Variants in ARHGEF25 observed in about 807,000 individuals in gnomAD.
ARHGEF25 encodes the protein Rho guanine nucleotide exchange factor 25.
Under a neutral mutation model 74.0 loss-of-function variants are expected in ARHGEF25, and 42 were observed. The ratio of observed to expected loss-of-function variants is 0.57; its 90% CI spans 0.44 to 0.73. The LOEUF (loss-of-function observed/expected upper bound fraction) is 0.73. Ranked by LOEUF, ARHGEF25 falls within the 30% of genes least tolerant of loss-of-function variation. ARHGEF25 has a pLI of 0.00. For missense variants in ARHGEF25, 645 were observed against 725.5 expected (o/e 0.89, Z 1.27); for synonymous variants, 293 against 278.6 (o/e 1.05, Z -0.51).
In ARHGEF25 at chr12:57,614,640, C is replaced by T; in HGVS notation, c.816+35C>T. On this transcript the variant is annotated intron_variant, in intron 8 of 14. Transcript: ENST00000286494. The surrounding 1 kb of genome is among the most constrained non-coding windows in gnomAD (Gnocchi z 4.6). ...TGAGATGTCTTGGTGGGAAGGAGGA[C>T]AGAACTGGGGCTTTCCAGGCTGCAT... The T allele has an allele frequency of 3.1e-6, 5 of 1,613,896 alleles. No homozygotes were observed. The highest frequency in any genetic ancestry group is 2.5e-6 in the Non-Finnish European group (3 of 1,179,892).
chr12:57,613,323 G>A lies in ARHGEF25; in HGVS notation c.372G>A (p.Leu124=), dbSNP rs1182999142. ...TGEELPELTL[L]TTLLEGPGDK... ...AGGAGCTGCCGGAACTGACCTTGCTGACCACACTGTTGGAGGGCCCTGGAG... is the reference window on the plus strand; with the variant it reads ...AGGAGCTGCCGGAACTGACCTTGCTAACCACACTGTTGGAGGGCCCTGGAG... The change falls in exon 3 of 15, where the codon CTG becomes CTA. Residue 124 remains leucine, a synonymous_variant. Transcript: ENST00000286494. The A allele has an allele frequency of 6.2e-7, 1 of 1,614,100 alleles. No homozygotes were observed. The highest frequency in any genetic ancestry group is 1.7e-5 in the Admixed American group (1 of 60,016).
chr12:57,611,918 T>A lies in ARHGEF25; in HGVS notation c.24T>A (p.Gly8=). The change falls in exon 1 of 15, where the codon GGT becomes GGA. Residue 8 remains glycine, a synonymous_variant. Transcript: ENST00000286494. This position sits in a 1 kb window ranked among gnomAD's most constrained non-coding sequence, Gnocchi z 4.5. ...CCATGCGGGGGGGGCACAAAGGGGG[T>A]CGCTGTGCCTGTCCCCGTGTGATCC... MRGGHKG[G]RCACPRVIRK... 1 of 1,254,026 alleles carries A rather than the reference T, an allele frequency of 8.0e-7. No individual in the cohort carries two copies. 77.7% of individuals were successfully genotyped at this position (1,254,026 alleles called of 1,614,324 possible). A position where few individuals can be genotyped will look rare whatever the true frequency, so the allele number is the denominator to read the frequency against.
Position 57,615,469 on chromosome 12 carries a change from T to C in ARHGEF25, c.1039-43T>C, listed in dbSNP as rs1228336179. 2.5e-6 allele frequency: 4 copies of C among 1,611,900 alleles called. No individual in the cohort carries two copies. In the South Asian group the frequency reaches 4.4e-5, roughly 18 times the overall value. On this transcript the variant is annotated intron_variant, in intron 11 of 14. Transcript: ENST00000286494. ...GAAGGGAGGAGCAGAGAATTGTCCT[T>C]TTTCTTGTTCTTTTTCCAAGGCCAC...
In ARHGEF25 at chr12:57,614,949, T is replaced by G; in HGVS notation, c.910-18T>G. 2 of 1,613,822 alleles carry G rather than the reference T, an allele frequency of 1.2e-6. No homozygotes were observed. Among genetic ancestry groups the G allele is most frequent in the Non-Finnish European group, 1.7e-6 (2 of 1,179,852 alleles). The stretch of plus-strand genomic sequence containing the variant: ...GTGTCCTCGTGACCTCCCTGAGCAT[T>G]TCTTCTCTCTGTCTTAGGATTTTCT... On this transcript the variant is annotated intron_variant, in intron 9 of 14. Transcript: ENST00000286494. The surrounding 1 kb of genome is among the most constrained non-coding windows in gnomAD (Gnocchi z 4.6).
chr12:57,610,177 C>G (rs1883974810), upstream of ARHGEF25: 1 of 1,302,632 alleles, frequency 7.7e-7, no homozygotes, highest in Non-Finnish European at 1.1e-6. Context: ...GCTTCAGTGC[C>G]CCCTCGACCC....
rs1478327902 is a variant in ARHGEF25, at chr12:57,613,096, T to C, written c.264T>C (p.Cys88=). 1 of 1,613,994 alleles carries C rather than the reference T, an allele frequency of 6.2e-7. No individual in the cohort carries two copies. Among genetic ancestry groups the C allele is most frequent in the Non-Finnish European group, 8.5e-7 (1 of 1,179,858 alleles). ...GATGGTTGGATCATTCCAAACATTG[T>C]CTCAGTGTGGAAACTGAGGCAGACA... ...LRRWLDHSKH[C]LSVETEADSG... is the part of the protein sequence containing the mutation. Residue 88 remains cysteine (C), a synonymous_variant, in exon 2 of 15, where the codon TGT becomes TGC. Coordinates refer to ENST00000286494, the MANE Select transcript of ARHGEF25 (RefSeq NM_182947.4).
upstream of ARHGEF25, chr12:57,610,541 G>A (rs1883996613): frequency 6.3e-7 from 1 of 1,578,370 alleles, no homozygotes; most frequent in Admixed American, 1.8e-5. Flanking sequence ...TAGGAGGGCA[G>A]GTTCCTTACA....
At position 57,614,310 on chromosome 12, in the gene ARHGEF25, C is replaced by T; in HGVS notation, c.657-21C>T. ...GTTGTGAAATGTATTTGACCTGCTG[C>T]TTCTCTACCAACCCCTCCAGCTATT... On this transcript the variant is annotated intron_variant, in intron 6 of 14. Coordinates refer to ENST00000286494, the MANE Select transcript of ARHGEF25 (RefSeq NM_182947.4). This position sits in a 1 kb window ranked among gnomAD's most constrained non-coding sequence, Gnocchi z 4.6. 6.2e-7 allele frequency: 1 copy of T among 1,613,940 alleles called. No homozygotes were observed. Among genetic ancestry groups the T allele is most frequent in the Admixed American group, 1.7e-5 (1 of 60,022 alleles).
upstream of ARHGEF25, among the ~76,000 whole-genome samples, chr12:57,611,256 G>A (rs1019218571): frequency 2.0e-5 from 3 of 152,228 alleles, no homozygotes; most frequent in African/African-American, 7.2e-5. This position sits in a 1 kb window ranked among gnomAD's most constrained non-coding sequence, Gnocchi z 4.5. Context: ...CCCGGGGCAG[G>A]GGAGCACGGG....
intron 1 of ARHGEF25, chr12:57,612,652 A>G: frequency 2.5e-6 from 3 of 1,208,546 alleles, no homozygotes; most frequent in Non-Finnish European, 3.1e-6. Context: ...GGCTGCCCCC[A>G]CCCCCATATC....
In ARHGEF25 at chr12:57,615,954, A is replaced by T; in HGVS notation, c.1357A>T (p.Ile453Phe). The T allele has an allele frequency of 6.2e-7, 1 of 1,614,144 alleles. No homozygotes were observed. The highest frequency in any genetic ancestry group is 2.2e-5 in the East Asian group (1 of 44,878). Residue 453 changes from isoleucine (I) to phenylalanine (F), a missense_variant, in exon 13 of 15, where the codon ATC becomes TTC. By Grantham distance (21) the Ile-to-Phe change is conservative. Around this residue, in one of 3 missense-constraint regions of ARHGEF25, gnomAD observed 262 missense variants for 256.9 expected, o/e 1.02. Transcript: ENST00000286494. ...RYVLQAADPA[I>F]SQAWIKHVAQ... ...TGTCCTGCAGGCTGCAGACCCTGCT[A>T]TCAGTCAGGCCTGGATCAAGCATGT...
rs1293611094 is a variant in ARHGEF25, at chr12:57,617,144, G to C, written c.*250G>C. ...GTCCCCCCAAAAGGAGGATATGTGGGTGGGTGGGAGGGCTGGGGCAGGGGC... is the reference window on the plus strand; with the variant it reads ...GTCCCCCCAAAAGGAGGATATGTGGCTGGGTGGGAGGGCTGGGGCAGGGGC... On this transcript the variant is annotated 3_prime_UTR_variant, in exon 15 of 15. Coordinates refer to ENST00000286494, the MANE Select transcript of ARHGEF25 (RefSeq NM_182947.4). 1 of 312,242 alleles carries C rather than the reference G, an allele frequency of 3.2e-6. No individual in the cohort carries two copies. The highest frequency in any genetic ancestry group is 5.8e-6 in the Non-Finnish European group (1 of 172,466). 19.3% of individuals were successfully genotyped at this position (312,242 alleles called of 1,614,324 possible).
chr12:57,614,966 G>C lies in ARHGEF25; in HGVS notation c.910-1G>C. On this transcript the variant is annotated splice_acceptor_variant, in intron 9 of 14. Transcript: ENST00000286494. LOFTEE classifies it high-confidence loss of function. The surrounding 1 kb of genome is among the most constrained non-coding windows in gnomAD (Gnocchi z 4.6). ...CTGAGCATTTCTTCTCTCTGTCTTAGGATTTTCTCAAGTATTACAATAGAG... is the reference window on the plus strand; with the variant it reads ...CTGAGCATTTCTTCTCTCTGTCTTACGATTTTCTCAAGTATTACAATAGAG... 1 of 1,614,050 alleles carries C rather than the reference G, an allele frequency of 6.2e-7. No individual in the cohort carries two copies. Among genetic ancestry groups the C allele is most frequent in the Non-Finnish European group, 8.5e-7 (1 of 1,180,000 alleles).
chr12:57,610,328 G>A (rs760647250), upstream of ARHGEF25: 2 of 1,452,940 alleles, frequency 1.4e-6, no homozygotes, highest in South Asian at 1.3e-5. Flanking sequence ...AAGAATGGGG[G>A]CTCGCGGTGG....
intron 10 of ARHGEF25, 69 bp downstream of exon 10, chr12:57,615,086 C>T (rs1183733535): frequency 5.0e-6 from 8 of 1,599,292 alleles, no homozygotes; most frequent in Non-Finnish European, 6.8e-6. Context: ...TGGGTTCCCC[C>T]AGCCCCTTGG....
At position 57,614,349 on chromosome 12, in the gene ARHGEF25, A is replaced by C; in HGVS notation, c.675A>C (p.Leu225=). The C allele has an allele frequency of 1.2e-6, 2 of 1,614,212 alleles. No individual in the cohort carries two copies. Among genetic ancestry groups the C allele is most frequent in the Non-Finnish European group, 1.7e-6 (2 of 1,180,042 alleles). Residue 225 remains leucine, a synonymous_variant, in exon 7 of 15, where the codon CTA becomes CTC. Transcript: ENST00000286494. The surrounding 1 kb of genome is among the most constrained non-coding windows in gnomAD (Gnocchi z 4.6). ...CCTCCAGCTATTTCTTGCAAGAGCTACAACGGTGTCTGAAAGATCCTGATT... is the reference window on the plus strand; with the variant it reads ...CCTCCAGCTATTTCTTGCAAGAGCTCCAACGGTGTCTGAAAGATCCTGATT... ...EWHRDYFLQE[L]QRCLKDPDWL...
upstream of ARHGEF25, chr12:57,610,724 C>G: frequency 6.5e-7 from 1 of 1,541,830 alleles, no homozygotes; most frequent in Non-Finnish European, 8.8e-7. Flanking sequence ...GTTTGCTATC[C>G]TGCGCCAAGT....
At position 57,614,958 on chromosome 12, in the gene ARHGEF25, CTG is replaced by C; in HGVS notation, c.910-7_910-6del. 1.2e-6 allele frequency: 2 copies of C among 1,613,958 alleles called. No homozygotes were observed. Among genetic ancestry groups the C allele is most frequent in the Non-Finnish European group, 1.7e-6 (2 of 1,179,942 alleles). ...TGACCTCCCTGAGCATTTCTTCTCT[CTG>C]TCTTAGGATTTTCTCAAGTATTACA... On this transcript the variant is annotated splice_region_variant and splice_polypyrimidine_tract_variant and intron_variant, in intron 9 of 14. Coordinates refer to ENST00000286494, the MANE Select transcript of ARHGEF25 (RefSeq NM_182947.4). The surrounding 1 kb of genome is among the most constrained non-coding windows in gnomAD (Gnocchi z 4.6).
chr12:57,614,054 G>T lies in ARHGEF25; in HGVS notation c.591G>T (p.Glu197Asp), dbSNP rs1463355923. 5.6e-6 allele frequency: 9 copies of T among 1,614,148 alleles called. No homozygotes were observed. Among genetic ancestry groups the T allele is most frequent in the South Asian group, 1.1e-5 (1 of 91,078 alleles). ...CCATGGCTGCTCAGGGGGTCCCCGA[G>T]AGTCTTCGAGGCCGTGACAGGATTG... The part of the protein sequence containing the change: ...MATMAAQGVP[E>D]SLRGRDRIVF... Residue 197 changes from glutamate (E) to aspartate (D), a missense_variant, in exon 6 of 15, where the codon GAG (glutamate) becomes GAT (aspartate). Coordinates refer to ENST00000286494, the MANE Select transcript of ARHGEF25 (RefSeq NM_182947.4). The surrounding 1 kb of genome is among the most constrained non-coding windows in gnomAD (Gnocchi z 4.6).
Sources: allele counts gnomAD v4.1 joint callset (sites outside exome capture counted in the v4.1 genomes callset), GRCh38; gene constraint gnomAD v4.1.1; regional missense constraint gnomAD v4.1.1; non-coding constraint Gnocchi (gnomAD v3.1); transcripts MANE v1.5; gene names NCBI Gene and HGNC (gene_info 2026-07-23, HGNC 2026-07-21).